Variants in FOCAD observed in about 807,000 individuals in gnomAD.
The protein encoded by FOCAD is KIAA1797.
Under a neutral mutation model 225.6 loss-of-function variants are expected in FOCAD, and 198 were observed. The observed-to-expected ratio is 0.88, with a 90% confidence interval of 0.78 to 0.99. The LOEUF is 0.99. FOCAD is among the 50% of genes least tolerant of loss of function. The pLI is 0.00. For synonymous variants in FOCAD, 897 were observed against 755.0 expected (o/e 1.19, Z -3.08); for missense variants, 2,713 against 2,123.6 (o/e 1.28, Z -5.46).
At position 20,933,098 on chromosome 9, in the gene FOCAD, A is replaced by T. The variant is rs758863091; in HGVS notation, c.3402A>T (p.Glu1134Asp). Residue 1134 changes from glutamate to aspartate, a missense_variant, in exon 28 of 44, where the codon GAA (glutamate) becomes GAT (aspartate). Transcript: ENST00000338382. ...LENCCFDTSL[E>D]YNTGCILGVG... is the part of the protein sequence containing the mutation. The stretch of plus-strand genomic sequence containing the variant: ...ATTGCTGCTTTGACACTAGTCTTGA[A>T]TACAAGTATGTTGTTCCTATTTCCA... The T allele has an allele frequency of 2.5e-6, 4 of 1,612,118 alleles. No homozygotes were observed. The Admixed American group carries it at 5.0e-5, about 20-fold the overall frequency.
chr9:20,986,232 T>C, intron 39 of FOCAD, 56 bp from the exon 40 acceptor site: 1 of 1,387,030 alleles, frequency 7.2e-7, no homozygotes, highest in Non-Finnish European at 9.4e-7. Flanking sequence ...TGAAATTCTG[T>C]AGCTACTTCA....
chr9:20,795,742 C>G (rs1313394353), intron 11 of FOCAD, among the ~76,000 whole-genome samples: 1 of 132,996 alleles, frequency 7.5e-6, no homozygotes, highest in Non-Finnish European at 1.6e-5. Flanking sequence ...TGAGATCGCA[C>G]CACTGCACTC....
intron 19 of FOCAD, 196 bp downstream of exon 19, chr9:20,875,003 C>T (rs548336889): frequency 1.6e-6 from 1 of 616,820 alleles, no homozygotes; most frequent in Non-Finnish European, 2.7e-6. Context: ...AAAAACGTTA[C>T]ATCTGAGTAG....
chr9:20,920,299 A>C (rs1449450294), intron 24 of FOCAD, among the ~76,000 whole-genome samples: 2 of 132,286 alleles, frequency 1.5e-5, no homozygotes, highest in Non-Finnish European at 3.2e-5. Flanking sequence ...CAATCATTAA[A>C]AAGTCAGGAA....
chr9:20,995,415 A>G (rs1841986751), intron 43 of FOCAD, 141 bp from the exon 44 acceptor site: 1 of 483,390 alleles, frequency 2.1e-6, no homozygotes, highest in East Asian at 3.4e-5. Flanking sequence ...GTTTTCTGCC[A>G]TTAAAATCCT....
chr9:20,963,775 A>C (rs1838993040), intron 35 of FOCAD, among the ~76,000 whole-genome samples: 2 of 152,330 alleles, frequency 1.3e-5, no homozygotes, highest in Middle Eastern at 6.8e-3. Context: ...TGTTGTGTAG[A>C]GATACTTAGC....
chr9:20,940,077 C>T (rs1052466316), intron 28 of FOCAD, among the ~76,000 whole-genome samples: 1 of 152,046 alleles, frequency 6.6e-6, no homozygotes. Flanking sequence ...TTTTAATGAA[C>T]AACTATATTG....
intron 3 of FOCAD, among the ~76,000 whole-genome samples, chr9:20,719,583 A>G (rs1344562549): frequency 2.6e-5 from 4 of 152,118 alleles, no homozygotes; most frequent in Admixed American, 2.6e-4. Context: ...TATTGTTAGT[A>G]GTGAACCATT....
intron 11 of FOCAD, among the ~76,000 whole-genome samples, chr9:20,800,879 T>C (rs999642905): frequency 2.6e-5 from 4 of 152,204 alleles, no homozygotes; most frequent in Non-Finnish European, 5.9e-5. Flanking sequence ...AGCTTTGTTC[T>C]GTTGCTGGTG....
chr9:20,885,146 G>C lies in FOCAD; in HGVS notation c.2541G>C (p.Gln847His), dbSNP rs773277259. The change falls in exon 21 of 44, where the codon CAG becomes CAC. Residue 847 changes from glutamine (Q) to histidine (H), a missense_variant. By Grantham distance (24) the Gln-to-His change is conservative. Transcript: ENST00000338382. ...MLFCYDVSMY[Q>H]SKDGKPLNRL... ...TTTGCTATGATGTTTCCATGTATCA[G>C]AGTAAAGATGGAAAACCATTGAACA... 5.8e-6 allele frequency: 9 copies of C among 1,538,740 alleles called. No individual in the cohort carries two copies. Among genetic ancestry groups the C allele is most frequent in the South Asian group, 1.3e-5 (1 of 75,210 alleles).
At chr9:20,846,421 T>C (rs1054610210) in intron 15 of FOCAD, among the ~76,000 whole-genome samples, 3 of 152,242 alleles carry the variant, frequency 2.0e-5, no homozygotes, top group East Asian at 1.9e-4. Flanking sequence ...CACTGGACTT[T>C]GTCAGCTCCA....
intron 4 of FOCAD, among the ~76,000 whole-genome samples, chr9:20,725,177 A>G (rs928800515): frequency 2.0e-5 from 3 of 152,238 alleles, no homozygotes; most frequent in Admixed American, 6.5e-5. Context: ...GTCTCAATCA[A>G]TCAATCACTC....
chr9:20,863,515 T>C (rs1192025482), intron 16 of FOCAD: 2 of 152,160 alleles, frequency 1.3e-5, no homozygotes, highest in Non-Finnish European at 2.9e-5. Context: ...GGCTATACAA[T>C]ACCTATCACA....
intron 4 of FOCAD, among the ~76,000 whole-genome samples, chr9:20,734,029 C>G (rs1364212400): frequency 6.6e-6 from 1 of 151,934 alleles, no homozygotes; most frequent in South Asian, 2.1e-4. Flanking sequence ...AACAAACAAA[C>G]AAAAAAAGTC....
At chr9:20,881,413 A>C (rs925881082) in intron 19 of FOCAD, among the ~76,000 whole-genome samples, 1 of 152,184 alleles carries the variant, frequency 6.6e-6, no homozygotes, top group African/African-American at 2.4e-5. Context: ...GCACAGTGAA[A>C]AGCAACTGGA....
chr9:20,907,073 A>T, intron 21 of FOCAD, 77 bp from the exon 22 acceptor site: 4 of 1,154,662 alleles, frequency 3.5e-6, no homozygotes, highest in Non-Finnish European at 5.1e-6. Context: ...GAAAAGAAAG[A>T]ACTGATGAAA....
chr9:20,739,122 C>T (rs1827388332), intron 4 of FOCAD, among the ~76,000 whole-genome samples: 1 of 151,724 alleles, frequency 6.6e-6, no homozygotes, highest in African/African-American at 2.4e-5. Context: ...AAAATACACT[C>T]AGTAACATCT....
intron 2 of FOCAD, among the ~76,000 whole-genome samples, chr9:20,664,117 C>G (rs1013407548): frequency 6.6e-6 from 1 of 151,776 alleles, no homozygotes; most frequent in East Asian, 1.9e-4. Context: ...TCTGTTTTCT[C>G]CTCAAGATTC....
chr9:20,795,454 G>C (rs895276089), intron 11 of FOCAD, among the ~76,000 whole-genome samples: 1 of 152,068 alleles, frequency 6.6e-6, no homozygotes, highest in Non-Finnish European at 1.5e-5. Flanking sequence ...AAAATTAAAT[G>C]ATGAAAACAA....
Sources: allele counts gnomAD v4.1 joint callset (sites outside exome capture counted in the v4.1 genomes callset), GRCh38; gene constraint gnomAD v4.1.1; transcripts MANE v1.5; gene names NCBI Gene and HGNC (gene_info 2026-07-23, HGNC 2026-07-21).